OPA1: variants seen among roughly 807,000 people sequenced by gnomAD.
OPA1 encodes dynamin-like GTPase OPA1, mitochondrial.
OPA1 carries 59 observed loss-of-function variants against 152.9 expected under a neutral mutation model. That is an observed-to-expected ratio of 0.39 (90% confidence interval 0.31 to 0.48). The LOEUF is 0.48. Ranked by LOEUF, OPA1 falls within the 20% of genes least tolerant of loss-of-function variation. The pLI is 0.96. For missense variants in OPA1, 1,008 were observed against 1,216.8 expected (o/e 0.83, Z 2.55); for synonymous variants, 400 against 389.9 (o/e 1.03, Z -0.31).
chr3:193,659,118 G>A (rs567263788), intron 24 of OPA1, 123 bp downstream of exon 24: 23 of 762,302 alleles, frequency 3.0e-5, no homozygotes, highest in East Asian at 1.3e-4. Flanking sequence ...TACTATAGTC[G>A]AATATTATTT....
Position 193,593,371 on chromosome 3 carries a change from C to T in OPA1, c.-7C>T, listed in dbSNP as rs2108755621. 19 of 1,546,246 alleles carry T rather than the reference C, an allele frequency of 1.2e-5. No individual in the cohort carries two copies. The highest frequency in any genetic ancestry group is 2.7e-5 in the African/African-American group (2 of 72,854). Reference sequence around the variant, plus strand: ...CTCGGCGCCTGCGTGACCTCCCCGCCGGCGGGATGTGGCGACTACGTCGGG... The same window carrying T: ...CTCGGCGCCTGCGTGACCTCCCCGCTGGCGGGATGTGGCGACTACGTCGGG... On this transcript the variant is annotated 5_prime_UTR_variant, in exon 1 of 31. Coordinates refer to ENST00000361510, the MANE Select transcript of OPA1 (RefSeq NM_130837.3).
At chr3:193,637,858 A>T in intron 10 of OPA1, 94 bp from the exon 11 acceptor site, 4 of 1,018,010 alleles carry the variant, frequency 3.9e-6, no homozygotes, top group South Asian at 2.8e-5. Context: ...GAAATTTTAA[A>T]AGACTAAAAA....
chr3:193,621,931 G>A (rs891265132), intron 6 of OPA1, among the ~76,000 whole-genome samples: 4 of 152,146 alleles, frequency 2.6e-5, no homozygotes, highest in Non-Finnish European at 5.9e-5. Flanking sequence ...AGACCACTTA[G>A]TTCATTCCCT....
In OPA1 at chr3:193,666,411, G is replaced by A. The variant is rs1369449477; in HGVS notation, c.2872+22G>A. The A allele has an allele frequency of 2.6e-6, 4 of 1,545,482 alleles. No individual in the cohort carries two copies. In the Admixed American group the frequency reaches 5.0e-5, roughly 19 times the overall value. ...GAAGGTAAGCCACATAGGGACTGCA[G>A]TCTTATTTTGACATTAAAAAATAAT... is the stretch of plus-strand genomic sequence containing the variant. On this transcript the variant is annotated intron_variant, in intron 28 of 30. Coordinates refer to ENST00000361510, the MANE Select transcript of OPA1 (RefSeq NM_130837.3).
chr3:193,677,898 G>A (rs139478487), intron 29 of OPA1, among the ~76,000 whole-genome samples: 43 of 152,310 alleles, frequency 2.8e-4, no homozygotes, highest in Admixed American at 4.6e-4. Flanking sequence ...CTGCATGGTC[G>A]TTGCTCATCG....
rs1715625206 is a variant in OPA1, at chr3:193,662,872, TGAG to T, written c.2575_2577del (p.Glu859del). 5 of 1,613,276 alleles carry T rather than the reference TGAG, an allele frequency of 3.1e-6. No homozygotes were observed. Among genetic ancestry groups the T allele is most frequent in the Non-Finnish European group, 4.2e-6 (5 of 1,179,450 alleles). ...AATTGGAGAAGATGTTGAAATGTAA[TGAG>T]GAGCACCCAGCTTATCTTGCAAGTG... On this transcript the variant is annotated inframe_deletion, in exon 26 of 31. Coordinates refer to ENST00000361510, the MANE Select transcript of OPA1 (RefSeq NM_130837.3).
chr3:193,652,115 T>A (rs1712633769), intron 21 of OPA1, among the ~76,000 whole-genome samples: 2 of 152,162 alleles, frequency 1.3e-5, no homozygotes, highest in Non-Finnish European at 2.9e-5. Context: ...GCACGGTGGC[T>A]CATGCCTGTA....
chr3:193,595,370 G>A lies in OPA1; in HGVS notation c.32+1961G>A, dbSNP rs376690925. 4.5e-4 allele frequency among the ~76,000 whole-genome samples: 68 copies of A among 152,260 alleles called. No individual in the cohort carries two copies. In the South Asian group the frequency reaches 0.013, roughly 30 times the overall value. ...TTATTTTTAAAAGAATTACATATTA[G>A]GAAATGATATATTGATTAAAAGTGA... On this transcript the variant is annotated intron_variant, in intron 1 of 30. Coordinates refer to ENST00000361510, the MANE Select transcript of OPA1 (RefSeq NM_130837.3).
chr3:193,668,581 A>G, intron 29 of OPA1: 1 of 1,541,450 alleles, frequency 6.5e-7, no homozygotes, highest in South Asian at 1.2e-5. Context: ...TTGTGGAGAT[A>G]CCCTCTTTAC....
At chr3:193,634,714 A>G (rs2108998611) in intron 8 of OPA1, among the ~76,000 whole-genome samples, 1 of 152,190 alleles carries the variant, frequency 6.6e-6, no homozygotes, top group Non-Finnish European at 1.5e-5. Context: ...AGCCTATATC[A>G]TTTTTTGAAA....
In OPA1 at chr3:193,635,443, G is replaced by A. The variant is rs765118029; in HGVS notation, c.869G>A (p.Arg290Gln). The change falls in exon 9 of 31, where the codon CGA (arginine) becomes CAA (glutamine). Residue 290 changes from arginine (R) to glutamine (Q), a missense_variant. Arg to Gln is a conservative substitution (Grantham distance 43). This residue lies in a region of OPA1 where 408 missense variants were observed against 395.1 expected (regional missense o/e 1.03). Transcript: ENST00000361510. ...TQLKYQRILERLEKENKELRK... is the reference protein window; with the variant it reads ...TQLKYQRILEQLEKENKELRK... ...TTGAAGTATCAGAGAATCTTGGAAC[G>A]ATTAGAAAAGGAGAACAAAGAATTG... The A allele has an allele frequency of 8.1e-6, 13 of 1,604,510 alleles. No homozygotes were observed. Among genetic ancestry groups the A allele is most frequent in the African/African-American group, 8.0e-5 (6 of 74,720 alleles).
At chr3:193,607,873 T>C (rs1727539683) in intron 1 of OPA1, among the ~76,000 whole-genome samples, 1 of 152,364 alleles carries the variant, frequency 6.6e-6, no homozygotes, top group East Asian at 1.9e-4. Context: ...TTTCACGATA[T>C]TGATTCTTCC....
At chr3:193,649,469 A>G (rs968908346) in intron 21 of OPA1, among the ~76,000 whole-genome samples, 11 of 152,242 alleles carry the variant, frequency 7.2e-5, no homozygotes, top group African/African-American at 2.2e-4. Context: ...CAAGCTATGT[A>G]TAAATAGCCT....
At chr3:193,685,262 A>G (rs1339291031) in intron 29 of OPA1, among the ~76,000 whole-genome samples, 1 of 151,734 alleles carries the variant, frequency 6.6e-6, no homozygotes, top group Non-Finnish European at 1.5e-5. Flanking sequence ...AGATTGCGCC[A>G]CTGCACTCCA....
At chr3:193,616,115 A>G (rs1728976660) in intron 3 of OPA1, among the ~76,000 whole-genome samples, 1 of 152,180 alleles carries the variant, frequency 6.6e-6, no homozygotes, top group Non-Finnish European at 1.5e-5. Flanking sequence ...TGGCTAAAGT[A>G]GTCCTTCCGA....
At chr3:193,619,348 A>T (rs1027667091) in intron 6 of OPA1, among the ~76,000 whole-genome samples, 3 of 152,184 alleles carry the variant, frequency 2.0e-5, no homozygotes, top group Admixed American at 1.3e-4. Flanking sequence ...TTATCAACAG[A>T]ACCCTTTTGC....
intron 1 of OPA1, 84 bp from the exon 2 acceptor site, chr3:193,614,639 C>G (rs1481302341): frequency 5.4e-6 from 5 of 921,098 alleles, no homozygotes; most frequent in Non-Finnish European, 7.1e-6. Context: ...GGCTGTGTTT[C>G]CTTTAGTATA....
intron 25 of OPA1, among the ~76,000 whole-genome samples, chr3:193,660,125 G>A (rs553735481): frequency 1.3e-4 from 20 of 152,132 alleles, no homozygotes; most frequent in African/African-American, 4.8e-4. Flanking sequence ...AAAATAGTAA[G>A]GTTTTCAGAG....
intron 1 of OPA1, among the ~76,000 whole-genome samples, chr3:193,602,460 G>T (rs281799): frequency 6.6e-6 from 1 of 152,050 alleles, no homozygotes; most frequent in Non-Finnish European, 1.5e-5. Flanking sequence ...ATACTTTGGC[G>T]TAATACATTA....
Sources: gnomAD v4.1 joint callset for allele counts (sites outside exome capture counted in the v4.1 genomes callset) on GRCh38, gnomAD v4.1.1 for gene constraint, gnomAD v4.1.1 regional missense constraint, MANE v1.5 for transcripts, NCBI Gene and HGNC (gene_info 2026-07-23, HGNC 2026-07-21) for gene names.